Variants in PRDM1 observed in about 807,000 individuals in gnomAD.
PRDM1 encodes PR domain zinc finger protein 1.
In PRDM1, 13 loss-of-function variants were observed where a neutral mutation model predicts 62.8. The observed-to-expected ratio is 0.21, with a 90% CI of 0.13 to 0.33. PRDM1 has a LOEUF of 0.33. PRDM1 is among the 10% of genes least tolerant of loss of function. PRDM1 has a pLI of 1.00. For missense variants in PRDM1, 895 were observed against 1,058.8 expected (o/e 0.85, Z 2.15); for synonymous variants, 396 against 417.6 (o/e 0.95, Z 0.63).
In PRDM1 at chr6:106,106,268, GCTTTT is replaced by G. The variant is rs1774485548; in HGVS notation, c.1774-99_1774-95del. 2.0e-6 allele frequency: 3 copies of G among 1,482,494 alleles called. No homozygotes were observed. The highest frequency in any genetic ancestry group is 2.7e-6 in the Non-Finnish European group (3 of 1,092,900). The allele number at this position is 1,482,494 out of a possible 1,614,324, so 91.8% of individuals were successfully genotyped here. ...TTCTTCTTTTTAAGACTGTCTTGAT[GCTTTT>G]CTTAAGATATTTGCATCAACACTTG... On this transcript the variant is annotated intron_variant, in intron 5 of 6. Transcript: ENST00000369096. The surrounding 1 kb of genome is among the most constrained non-coding windows in gnomAD (Gnocchi z 4.4).
At chr6:106,006,395 C>A (rs566889174) in intron 1 of PRDM1, among the ~76,000 whole-genome samples, 1 of 152,174 alleles carries the variant, frequency 6.6e-6, no homozygotes, top group South Asian at 2.1e-4. Context: ...AGACCCCTAT[C>A]TAATGAGCTT....
rs1266252841 is a variant in PRDM1, at chr6:106,109,680, GTGAGAATTTTTATAAAGACTTCT to G, written c.*2197_*2219del. 21 of 233,182 alleles carry G rather than the reference GTGAGAATTTTTATAAAGACTTCT, an allele frequency of 9.0e-5. No homozygotes were observed. Among genetic ancestry groups the G allele is most frequent in the African/African-American group, 4.2e-4 (19 of 45,296 alleles). The allele number at this position is 233,182 out of a possible 1,614,324, so 14.4% of individuals were successfully genotyped here. ...TTTTCTCCTTTTGTGCTTTCCCATAGTGAGAATTTTTATAAAGACTTCTTGCTTCTCTCACCATCCATCCTTCT... is the reference window on the plus strand; with the variant it reads ...TTTTCTCCTTTTGTGCTTTCCCATAGTGCTTCTCTCACCATCCATCCTTCT... On this transcript the variant is annotated 3_prime_UTR_variant, in exon 7 of 7. Coordinates refer to ENST00000369096, the MANE Select transcript of PRDM1 (RefSeq NM_001198.4).
At chr6:106,025,335 A>G (rs961116493) in intron 1 of PRDM1, among the ~76,000 whole-genome samples, 10 of 152,372 alleles carry the variant, frequency 6.6e-5, no homozygotes, top group Non-Finnish European at 1.5e-4. Context: ...TATGCTTGAC[A>G]TAATCCATAG....
In PRDM1 at chr6:106,105,078, A is replaced by G; in HGVS notation, c.918A>G (p.Pro306=). The change falls in exon 5 of 7, where the codon CCA becomes CCG. Residue 306 remains proline, a synonymous_variant. Coordinates refer to ENST00000369096, the MANE Select transcript of PRDM1 (RefSeq NM_001198.4). ...RVVYPIRAPL[P]EDFLKASLAY... is the part of the protein sequence containing the mutation. ...TTTACCCCATCCGGGCCCCTCTGCC[A>G]GAAGACTTTTTGAAAGCTTCCCTGG... 2 of 1,614,114 alleles carry G rather than the reference A, an allele frequency of 1.2e-6. No homozygotes were observed. Among genetic ancestry groups the G allele is most frequent in the Non-Finnish European group, 1.7e-6 (2 of 1,180,012 alleles).
At chr6:106,046,512 A>G (rs74469200), upstream of PRDM1, 1,137 of 152,312 alleles carry the variant, frequency 7.5e-3, 10 homozygotes, top group African/African-American at 0.026. Flanking sequence ...TTTGACAGCT[A>G]GAATATAGAT....
At chr6:106,007,287 G>A (rs767323392) in intron 1 of PRDM1, among the ~76,000 whole-genome samples, 7 of 151,706 alleles carry the variant, frequency 4.6e-5, no homozygotes, top group South Asian at 2.1e-4. Context: ...AAAATTAGCC[G>A]GGTATGATGG....
At chr6:106,019,197 TG>T (rs533843940) in intron 1 of PRDM1, among the ~76,000 whole-genome samples, 1 of 121,762 alleles carries the variant, frequency 8.2e-6, no homozygotes, top group South Asian at 2.6e-4. Flanking sequence ...ACCTGGGAGG[TG>T]GAGGTGGAGG....
rs1228017779 is a variant in PRDM1, at chr6:105,994,754, T to G, written c.-67+1115T>G. 6.6e-6 allele frequency among the ~76,000 whole-genome samples: 1 copy of G among 152,162 alleles called. No homozygotes were observed. The highest frequency in any genetic ancestry group is 1.9e-4 in the East Asian group (1 of 5,180). On this transcript the variant is annotated intron_variant, in intron 1 of 6. Coordinates refer to the PRDM1 transcript ENST00000652320. This position sits in a 1 kb window ranked among gnomAD's most constrained non-coding sequence, Gnocchi z 4.1. ...CAAAGCATCAGTCCTGCCCGTAACT[T>G]CCTAACGACATCTTCTTGGAGCAGA...
intron 2 of PRDM1, among the ~76,000 whole-genome samples, chr6:106,088,723 G>T (rs563086031): frequency 6.6e-6 from 1 of 152,316 alleles, no homozygotes; most frequent in East Asian, 1.9e-4. Flanking sequence ...AGCATAGGGT[G>T]GGTGAAATTG....
At chr6:105,998,915 ATATATATATATATATATATTTTTT>A (rs1299174447) in intron 1 of PRDM1, among the ~76,000 whole-genome samples, 126 of 6,174 alleles carry the variant, frequency 0.02, no homozygotes, top group Middle Eastern at 0.077. Flanking sequence ...ATATATATAT[ATATATATATATATATATATTTTTT>A]TTTTTTTTTT....
At chr6:106,020,972 C>A (rs1033015769) in intron 1 of PRDM1, among the ~76,000 whole-genome samples, 1 of 152,184 alleles carries the variant, frequency 6.6e-6, no homozygotes, top group Admixed American at 6.5e-5. Flanking sequence ...CCTGCACATC[C>A]TCTGAGGACT....
Position 106,088,293 on chromosome 6 carries a change from T to C in PRDM1, c.135T>C (p.Asp45=), listed in dbSNP as rs373881048. 2.5e-6 allele frequency: 4 copies of C among 1,614,132 alleles called. No individual in the cohort carries two copies. The highest frequency in any genetic ancestry group is 2.5e-6 in the Non-Finnish European group (3 of 1,180,028). Residue 45 remains aspartate (D), a synonymous_variant, in exon 2 of 7, where the codon GAT becomes GAC. Coordinates refer to ENST00000369096, the MANE Select transcript of PRDM1 (RefSeq NM_001198.4). The part of the protein sequence containing the change: ...GTMKMDMEDA[D]MTLWTEAEFE... Reference sequence around the variant, plus strand: ...TGAAAATGGACATGGAGGATGCGGATATGACTCTGTGGACAGAGGCTGAGT... The same window carrying C: ...TGAAAATGGACATGGAGGATGCGGACATGACTCTGTGGACAGAGGCTGAGT...
intron 1 of PRDM1, among the ~76,000 whole-genome samples, chr6:105,997,272 A>G (rs746975715): frequency 2.6e-5 from 4 of 152,132 alleles, no homozygotes; most frequent in Non-Finnish European, 5.9e-5. Flanking sequence ...TCTCTGTTGA[A>G]TGATTTTTTT....
rs1774567420 is a variant in PRDM1 at position 106,108,288 on chromosome 6, C to G, written c.*802C>G. The G allele has an allele frequency of 4.3e-6, 1 of 233,664 alleles. No individual in the cohort carries two copies. Among genetic ancestry groups the G allele is most frequent in the Admixed American group, 5.6e-5 (1 of 17,770 alleles). 14.5% of individuals were successfully genotyped at this position (233,664 alleles called of 1,614,324 possible). A position where few individuals can be genotyped will look rare whatever the true frequency, so the allele number is the denominator to read the frequency against. The stretch of plus-strand genomic sequence containing the variant: ...ACAGGAAGGCTTTACCAACCTGTCT[C>G]TCCCTCCAAAAGAGCAGAATCCTCC... On this transcript the variant is annotated 3_prime_UTR_variant, in exon 7 of 7. Coordinates refer to ENST00000369096, the MANE Select transcript of PRDM1 (RefSeq NM_001198.4).
upstream of PRDM1, among the ~76,000 whole-genome samples, chr6:105,993,432 A>G (rs1331249705): frequency 6.6e-6 from 1 of 152,228 alleles, no homozygotes; most frequent in Non-Finnish European, 1.5e-5. Flanking sequence ...TTGTGTAATC[A>G]GAGACTGATT....
chr6:105,993,064 A>T (rs1374308998), upstream of PRDM1, among the ~76,000 whole-genome samples: 1 of 152,182 alleles, frequency 6.6e-6, no homozygotes, highest in Admixed American at 6.5e-5. Flanking sequence ...GGTTTGGTAG[A>T]GGGGGCCCGT....
intron 3 of PRDM1, chr6:106,098,086 T>A: frequency 1.8e-5 from 8 of 443,628 alleles, no homozygotes; most frequent in Non-Finnish European, 2.4e-5. Flanking sequence ...ACAGAAACTA[T>A]CTGTAGACTA....
intron 4 of PRDM1, 37 bp downstream of exon 4, chr6:106,099,589 A>G: frequency 1.2e-6 from 2 of 1,609,486 alleles, no homozygotes; most frequent in East Asian, 2.2e-5. Context: ...AAAAAATGCC[A>G]GTAATGTCGG....
chr6:106,071,840 T>C (rs1276412482), intron 1 of PRDM1, among the ~76,000 whole-genome samples: 1 of 151,728 alleles, frequency 6.6e-6, no homozygotes, highest in Admixed American at 6.6e-5. Context: ...AGATATCATC[T>C]AAAAGGTTGG....
Sources: gnomAD v4.1 joint callset for allele counts (sites outside exome capture counted in the v4.1 genomes callset) on GRCh38, gnomAD v4.1.1 for gene constraint, Gnocchi (gnomAD v3.1) non-coding constraint, MANE v1.5 for transcripts, NCBI Gene and HGNC (gene_info 2026-07-23, HGNC 2026-07-21) for gene names.